FOXN3: variants seen among roughly 807,000 people sequenced by gnomAD.
The protein encoded by FOXN3 is forkhead box protein N3.
Under a neutral mutation model 38.4 loss-of-function variants are expected in FOXN3, and 7 were observed. The ratio of observed to expected loss-of-function variants is 0.18; its 90% confidence interval spans 0.10 to 0.34. The LOEUF is 0.34. Ranked by LOEUF, FOXN3 falls within the 10% of genes least tolerant of loss-of-function variation. FOXN3 has a pLI of 1.00. For missense variants in FOXN3, 456 were observed against 613.4 expected (o/e 0.74, Z 2.71); for synonymous variants, 230 against 242.2 (o/e 0.95, Z 0.47).
intron 3 of FOXN3, among the ~76,000 whole-genome samples, chr14:89,283,167 G>T (rs1394690874): frequency 6.6e-6 from 1 of 152,086 alleles, no homozygotes; most frequent in African/African-American, 2.4e-5. Context: ...TCTTTTGGAG[G>T]GTTCCTCAAA....
chr14:89,185,123 G>A (rs1316080375), intron 4 of FOXN3, among the ~76,000 whole-genome samples: 1 of 152,182 alleles, frequency 6.6e-6, no homozygotes, highest in Non-Finnish European at 1.5e-5. Flanking sequence ...GTTCTCAAAT[G>A]AGCTGCAACT....
chr14:89,311,808 A>G (rs952018321), intron 3 of FOXN3, among the ~76,000 whole-genome samples: 1 of 152,254 alleles, frequency 6.6e-6, no homozygotes, highest in African/African-American at 2.4e-5. Flanking sequence ...CCTGGGTGAC[A>G]GAGCGAGACT....
chr14:89,313,723 C>T (rs1887640643), intron 3 of FOXN3, among the ~76,000 whole-genome samples: 1 of 152,144 alleles, frequency 6.6e-6, no homozygotes, highest in African/African-American at 2.4e-5. Flanking sequence ...TTCACAGTAG[C>T]AACCCAAATG....
chr14:89,201,129 C>T (rs1225386102), intron 4 of FOXN3, among the ~76,000 whole-genome samples: 1 of 152,058 alleles, frequency 6.6e-6, no homozygotes, highest in East Asian at 1.9e-4. Context: ...TTTAAAGCTC[C>T]CTATAGATGA....
intron 1 of FOXN3, among the ~76,000 whole-genome samples, chr14:89,463,253 G>A (rs1385818302): frequency 1.3e-5 from 2 of 148,374 alleles, no homozygotes; most frequent in Non-Finnish European, 3.0e-5. Flanking sequence ...CAGCCTGGGC[G>A]ACAGAGCAAG....
chr14:89,475,028 C>G (rs1893183257), intron 1 of FOXN3, among the ~76,000 whole-genome samples: 3 of 151,428 alleles, frequency 2.0e-5, no homozygotes, highest in Admixed American at 2.0e-4. Flanking sequence ...GTTGGCCAGG[C>G]TGGTCTCGAA....
chr14:89,456,036 T>G (rs556088716), intron 1 of FOXN3, among the ~76,000 whole-genome samples: 1 of 151,654 alleles, frequency 6.6e-6, no homozygotes, highest in African/African-American at 2.4e-5. Context: ...CTACTAAAAA[T>G]ATAAAAAATT....
At chr14:89,514,776 C>G (rs1037746462) in intron 1 of FOXN3, among the ~76,000 whole-genome samples, 3 of 152,226 alleles carry the variant, frequency 2.0e-5, no homozygotes, top group Non-Finnish European at 4.4e-5. Context: ...ACCAGCTTCC[C>G]TTCACTCAGT....
chr14:89,241,227 T>A (rs2139866573), intron 4 of FOXN3, among the ~76,000 whole-genome samples: 1 of 152,304 alleles, frequency 6.6e-6, no homozygotes, highest in South Asian at 2.1e-4. Flanking sequence ...ATTTTAGATT[T>A]CTGTATAGAT....
chr14:89,349,471 T>C (rs1165756300), intron 3 of FOXN3: 1 of 152,616 alleles, frequency 6.6e-6, no homozygotes, highest in East Asian at 1.9e-4. Context: ...GGCAACAGTG[T>C]ATATCTAAGT....
chr14:89,391,835 T>A (rs1407577763), intron 2 of FOXN3, among the ~76,000 whole-genome samples: 1 of 152,070 alleles, frequency 6.6e-6, no homozygotes. Context: ...CCAAACCCCA[T>A]CTCTACTAAA....
chr14:89,517,798 C>T (rs1234490959), intron 1 of FOXN3, among the ~76,000 whole-genome samples: 6 of 152,160 alleles, frequency 3.9e-5, no homozygotes, highest in South Asian at 2.1e-4. Context: ...TCTTTCAACT[C>T]GCCTCCCTGC....
intron 4 of FOXN3, among the ~76,000 whole-genome samples, chr14:89,231,101 A>G (rs1036720664): frequency 6.6e-6 from 1 of 152,096 alleles, no homozygotes; most frequent in African/African-American, 2.4e-5. Flanking sequence ...ATTTTTTTGC[A>G]TTGACTTACC....
chr14:89,550,939 A>G (rs1040983902), intron 1 of FOXN3, among the ~76,000 whole-genome samples: 11 of 152,196 alleles, frequency 7.2e-5, no homozygotes, highest in Non-Finnish European at 1.6e-4. Context: ...GCAGACACGC[A>G]GGGAAGAAAC....
Position 89,232,393 on chromosome 14 carries a change from T to C in FOXN3, c.745+48557A>G, listed in dbSNP as rs145447136. Among the ~76,000 whole-genome samples the C allele has an allele frequency of 1.1e-3, 165 of 152,310 alleles. 1 individual carries two copies. Among genetic ancestry groups the C allele is most frequent in the African/African-American group, 3.7e-3 (153 of 41,572 alleles). On this transcript the variant is annotated intron_variant, in intron 4 of 5. Transcript: ENST00000557258. ...ATCAATGAAATTACTGCCTCGGCTATTACAGGAGACTATGAACTGTTGCAA... is the reference window on the plus strand; with the variant it reads ...ATCAATGAAATTACTGCCTCGGCTACTACAGGAGACTATGAACTGTTGCAA...
rs1407374955 is a variant in FOXN3, at chr14:89,423,438, CATATT to C, written c.-14-10953_-14-10949del. Among the ~76,000 whole-genome samples, 3 of 152,146 alleles carry C rather than the reference CATATT, an allele frequency of 2.0e-5. No homozygotes were observed. The East Asian group carries it at 5.8e-4, about 29-fold the overall frequency. On this transcript the variant is annotated intron_variant, in intron 1 of 6. Coordinates refer to the FOXN3 transcript ENST00000345097. The stretch of plus-strand genomic sequence containing the variant: ...CAACAAATCAAAATGAAAATCTTGA[CATATT>C]AGACTGCATACCAATTTAGAATTGT...
At chr14:89,522,305 A>T (rs1238433100) in intron 1 of FOXN3, among the ~76,000 whole-genome samples, 3 of 152,208 alleles carry the variant, frequency 2.0e-5, no homozygotes, top group Non-Finnish European at 4.4e-5. Context: ...CTTCCATTTC[A>T]ATAAATGAAA....
intron 3 of FOXN3, among the ~76,000 whole-genome samples, chr14:89,341,540 C>T (rs914922763): frequency 6.6e-6 from 1 of 152,208 alleles, no homozygotes; most frequent in Non-Finnish European, 1.5e-5. Context: ...ACTTCTTAAT[C>T]TCCCTCCTTT....
At chr14:89,282,608 G>A (rs1176496035) in intron 3 of FOXN3, among the ~76,000 whole-genome samples, 1 of 152,152 alleles carries the variant, frequency 6.6e-6, no homozygotes, top group African/African-American at 2.4e-5. Context: ...ACAAAGCAGG[G>A]AACAGCAAGC....
Sources: gnomAD v4.1 joint callset for allele counts (sites outside exome capture counted in the v4.1 genomes callset) on GRCh38, gnomAD v4.1.1 for gene constraint, MANE v1.5 for transcripts, NCBI Gene and HGNC (gene_info 2026-07-23, HGNC 2026-07-21) for gene names.